The following UNC5D variants were observed in gnomAD, a reference collection of about 807,000 sequenced individuals.
The protein encoded by UNC5D is netrin receptor UNC5D.
Under a neutral mutation model 105.4 loss-of-function variants are expected in UNC5D, and 39 were observed. That is an observed-to-expected ratio of 0.37 (90% confidence interval 0.29 to 0.48). The LOEUF (loss-of-function observed/expected upper bound fraction) is 0.48, where lower values mean the gene tolerates loss of function less well. Among genes scored for constraint, UNC5D ranks in the 20% least tolerant of loss-of-function variants. UNC5D has a pLI of 0.98. For missense variants in UNC5D, 991 were observed against 1,202.4 expected (o/e 0.82, Z 2.60); for synonymous variants, 452 against 450.4 (o/e 1.00, Z -0.04).
At chr8:35,298,411 C>T (rs1220188208) in intron 1 of UNC5D, among the ~76,000 whole-genome samples, 1 of 152,094 alleles carries the variant, frequency 6.6e-6, no homozygotes, top group African/African-American at 2.4e-5. Flanking sequence ...TTCTTGGATT[C>T]AGAGGCTTAG....
At chr8:35,789,064 GC>G (rs1802886455) in intron 16 of UNC5D, among the ~76,000 whole-genome samples, 1 of 143,724 alleles carries the variant, frequency 7.0e-6, no homozygotes, top group Non-Finnish European at 1.5e-5. Context: ...TTAAATTAAA[GC>G]AAGAAGCAAA....
At chr8:35,335,688 C>T (rs1435537194) in intron 1 of UNC5D, among the ~76,000 whole-genome samples, 3 of 150,418 alleles carry the variant, frequency 2.0e-5, no homozygotes, top group Non-Finnish European at 4.4e-5. Context: ...TGTGAATAAT[C>T]GCTAATGAAA....
chr8:35,337,438 T>G (rs189289056), intron 1 of UNC5D, among the ~76,000 whole-genome samples: 1 of 152,232 alleles, frequency 6.6e-6, no homozygotes, highest in African/African-American at 2.4e-5. Flanking sequence ...AAAGTAATGT[T>G]GGATCCCTAG....
At chr8:35,362,949 AT>A (rs1489540274) in intron 1 of UNC5D, among the ~76,000 whole-genome samples, 6 of 152,114 alleles carry the variant, frequency 3.9e-5, no homozygotes, top group Non-Finnish European at 7.4e-5. Flanking sequence ...CACAAATCGT[AT>A]TTCTAATTTC....
intron 1 of UNC5D, among the ~76,000 whole-genome samples, chr8:35,337,354 C>T (rs981919841): frequency 6.6e-6 from 1 of 152,200 alleles, no homozygotes; most frequent in African/African-American, 2.4e-5. Flanking sequence ...ACAGAGGAAA[C>T]TTACTTGGCA....
At chr8:35,672,259 CAT>C (rs1017777195) in intron 4 of UNC5D, among the ~76,000 whole-genome samples, 7 of 152,272 alleles carry the variant, frequency 4.6e-5, no homozygotes, top group East Asian at 1.9e-4. Flanking sequence ...GAAATGAAAA[CAT>C]AATTAATATT....
chr8:35,494,925 G>C (rs552063078), intron 1 of UNC5D, among the ~76,000 whole-genome samples: 2 of 152,044 alleles, frequency 1.3e-5, no homozygotes, highest in African/African-American at 4.8e-5. Flanking sequence ...CATGACTCTG[G>C]CATTTATTCT....
chr8:35,260,159 G>A (rs527253105), intron 1 of UNC5D, among the ~76,000 whole-genome samples: 1 of 152,224 alleles, frequency 6.6e-6, no homozygotes, highest in Admixed American at 6.5e-5. Flanking sequence ...GTATAGTTAT[G>A]TCTTCTCGAA....
intron 7 of UNC5D, among the ~76,000 whole-genome samples, chr8:35,688,532 T>C (rs1826177463): frequency 6.6e-6 from 1 of 152,222 alleles, no homozygotes; most frequent in Middle Eastern, 3.2e-3. Flanking sequence ...TTACCCTGCA[T>C]GCATCAGATA....
intron 1 of UNC5D, among the ~76,000 whole-genome samples, chr8:35,547,359 C>T (rs570055705): frequency 8.8e-5 from 13 of 148,358 alleles, no homozygotes; most frequent in Non-Finnish European, 1.8e-4. Flanking sequence ...AGTGCAGTAG[C>T]ATGACCTTGG....
intron 1 of UNC5D, among the ~76,000 whole-genome samples, chr8:35,526,652 TAA>T (rs1259110320): frequency 6.6e-6 from 1 of 152,184 alleles, no homozygotes; most frequent in Non-Finnish European, 1.5e-5. Flanking sequence ...TATTGAGAGA[TAA>T]AGAGTTCATT....
In UNC5D at chr8:35,558,538, G is replaced by C. The variant is rs539968435; in HGVS notation, c.322+9028G>C. ...ATGCTCTGATCTTGAAGCAGTAAGA[G>C]ACAAATGGAAAACATTCCCTTATAT... On this transcript the variant is annotated intron_variant, in intron 2 of 16. Transcript: ENST00000404895. Among the ~76,000 whole-genome samples, 6 of 152,254 alleles carry C rather than the reference G, an allele frequency of 3.9e-5. No homozygotes were observed. The East Asian group carries it at 1.2e-3, about 29-fold the overall frequency.
chr8:35,663,412 C>T (rs11989789), intron 4 of UNC5D, among the ~76,000 whole-genome samples: 1 of 152,184 alleles, frequency 6.6e-6, no homozygotes, highest in South Asian at 2.1e-4. Context: ...CAGAGTGACA[C>T]CATTGATTGC....
In UNC5D at chr8:35,633,455, A is replaced by AT. The variant is rs201268600; in HGVS notation, c.570+37799dup. The stretch of plus-strand genomic sequence containing the variant: ...ATGTGAGATTTTTTTTTAAAAAAAA[A>AT]TCCTTTTTTGTACAGGGCACGGTGG... On this transcript the variant is annotated intron_variant, in intron 4 of 16. Coordinates refer to ENST00000404895, the MANE Select transcript of UNC5D (RefSeq NM_080872.4). 6.6e-3 allele frequency among the ~76,000 whole-genome samples: 1,007 copies of AT among 152,054 alleles called. 14 individuals carry two copies. The highest frequency in any genetic ancestry group is 0.022 in the African/African-American group (918 of 41,464).
chr8:35,444,043 A>G (rs1807611690), intron 1 of UNC5D, among the ~76,000 whole-genome samples: 1 of 152,048 alleles, frequency 6.6e-6, no homozygotes, highest in Admixed American at 6.6e-5. Context: ...ATTATAACAC[A>G]AGAATTTGAT....
intron 1 of UNC5D, among the ~76,000 whole-genome samples, chr8:35,500,443 C>T (rs1321241355): frequency 6.6e-6 from 1 of 152,136 alleles, no homozygotes; most frequent in African/African-American, 2.4e-5. Flanking sequence ...ACCTGTAATG[C>T]CTTTTATTGA....
intron 1 of UNC5D, among the ~76,000 whole-genome samples, chr8:35,348,904 T>C (rs1812001875): frequency 6.6e-6 from 1 of 151,882 alleles, no homozygotes. Context: ...AGACATGAAA[T>C]TTTAGTAAAC....
chr8:35,490,629 T>G (rs1381053258), intron 1 of UNC5D, among the ~76,000 whole-genome samples: 1 of 152,180 alleles, frequency 6.6e-6, no homozygotes, highest in Non-Finnish European at 1.5e-5. Flanking sequence ...GGATCTTTGA[T>G]GGTAATATAT....
chr8:35,494,047 A>T, intron 1 of UNC5D, among the ~76,000 whole-genome samples: 1 of 152,166 alleles, frequency 6.6e-6, no homozygotes, highest in Non-Finnish European at 1.5e-5. Flanking sequence ...GTAGATCCCA[A>T]CTGAAAAGTC....
Sources: allele counts gnomAD v4.1 joint callset (sites outside exome capture counted in the v4.1 genomes callset), GRCh38; gene constraint gnomAD v4.1.1; transcripts MANE v1.5; gene names NCBI Gene and HGNC (gene_info 2026-07-23, HGNC 2026-07-21).